Variants in KNDC1 observed in about 807,000 individuals in gnomAD.
KNDC1 encodes the protein kinase non-catalytic C-lobe domain-containing protein 1.
In KNDC1, 106 loss-of-function variants were observed where a neutral mutation model predicts 172.8. The ratio of observed to expected loss-of-function variants is 0.61; its 90% confidence interval spans 0.52 to 0.72. KNDC1 has a LOEUF of 0.72. Among genes scored for constraint, KNDC1 ranks in the 30% least tolerant of loss-of-function variants. The pLI is 0.00. For missense variants in KNDC1, 2,325 were observed against 2,394.5 expected, an observed-to-expected ratio of 0.97 and a Z score of 0.61; for synonymous variants, 1,083 against 1,062.2, an observed-to-expected ratio of 1.02 and a Z score of -0.38.
chr10:133,198,563 CT>C lies in KNDC1; in HGVS notation c.2070-14del, dbSNP rs1854263326. ...GGGCGCAGGCAGCCCCTCCTGAGCT[CT>C]GCTCCTCCCGTAGGGACCAGCCTGC... On this transcript the variant is annotated splice_polypyrimidine_tract_variant and intron_variant, in intron 13 of 29. Coordinates refer to ENST00000304613, the MANE Select transcript of KNDC1 (RefSeq NM_152643.8). 6.3e-7 allele frequency: 1 copy of C among 1,580,424 alleles called. No individual in the cohort carries two copies. Among genetic ancestry groups the C allele is most frequent in the Non-Finnish European group, 8.6e-7 (1 of 1,160,612 alleles).
chr10:133,194,379 G>A (rs1368720573), intron 9 of KNDC1, among the ~76,000 whole-genome samples: 2 of 152,122 alleles, frequency 1.3e-5, no homozygotes, highest in Non-Finnish European at 2.9e-5. Context: ...AACATATGGC[G>A]AACCAGGATT....
chr10:133,183,750 CG>C (rs1278683069), intron 4 of KNDC1, 121 bp from the exon 5 acceptor site: 14 of 861,140 alleles, frequency 1.6e-5, no homozygotes, highest in Non-Finnish European at 2.5e-5. Flanking sequence ...GCAAGGCAGG[CG>C]CAGGCAGGCT....
At chr10:133,204,979 C>T (rs1464776674) in intron 17 of KNDC1, among the ~76,000 whole-genome samples, 1 of 152,206 alleles carries the variant, frequency 6.6e-6, no homozygotes, top group Non-Finnish European at 1.5e-5. Context: ...CATGGACCCC[C>T]AAGACTTCCC....
intron 16 of KNDC1, among the ~76,000 whole-genome samples, chr10:133,201,219 C>T (rs1463394334): frequency 2.0e-5 from 3 of 152,166 alleles, no homozygotes; most frequent in African/African-American, 7.2e-5. Context: ...GGCCCGGCCC[C>T]ACCCCGGGGC....
Position 133,224,254 on chromosome 10 carries a change from G to C in KNDC1, c.5019-405G>C, listed in dbSNP as rs1845674542. Among the ~76,000 whole-genome samples, 1 of 152,184 alleles carries C rather than the reference G, an allele frequency of 6.6e-6. No individual in the cohort carries two copies. Among genetic ancestry groups the C allele is most frequent in the Admixed American group, 6.5e-5 (1 of 15,274 alleles). On this transcript the variant is annotated intron_variant, in intron 29 of 29. Transcript: ENST00000304613. This position sits in a 1 kb window ranked among gnomAD's most constrained non-coding sequence, Gnocchi z 5.4. ...TGGTCACTGTCAACCAGCTGTCCCA[G>C]GCTTCCGGCCCTGGGCCCCGGCCGT...
At chr10:133,189,288 G>T (rs1164895588) in intron 7 of KNDC1, among the ~76,000 whole-genome samples, 2 of 152,188 alleles carry the variant, frequency 1.3e-5, no homozygotes, top group African/African-American at 4.8e-5. Context: ...TCGGGACGGG[G>T]CCTGTGACAC....
chr10:133,209,617 G>C lies in KNDC1; in HGVS notation c.3795-994G>C, dbSNP rs1031652080. ...TCTGTGGTTGTACAGTTTGTGGCTT[G>C]CATGGCGTGAGTGTGAGTGCTGTGC... On this transcript the variant is annotated intron_variant, in intron 20 of 29. Coordinates refer to ENST00000304613, the MANE Select transcript of KNDC1 (RefSeq NM_152643.8). The surrounding 1 kb of genome is among the most constrained non-coding windows in gnomAD (Gnocchi z 4.9). Among the ~76,000 whole-genome samples, 2 of 152,034 alleles carry C rather than the reference G, an allele frequency of 1.3e-5. No individual in the cohort carries two copies. The highest frequency in any genetic ancestry group is 1.3e-4 in the Admixed American group (2 of 15,262).
intron 20 of KNDC1, among the ~76,000 whole-genome samples, chr10:133,210,114 G>A (rs1182361720): frequency 2.6e-5 from 4 of 152,022 alleles, no homozygotes; most frequent in South Asian, 2.1e-4. Flanking sequence ...AGCAGGGCAC[G>A]GTGGCTCACG....
In KNDC1 at chr10:133,160,451, C is replaced by G; in HGVS notation, c.-17C>G. 6.7e-7 allele frequency: 1 copy of G among 1,496,834 alleles called. No homozygotes were observed. Among genetic ancestry groups the G allele is most frequent in the Non-Finnish European group, 8.9e-7 (1 of 1,120,050 alleles). The allele number at this position is 1,496,834 out of a possible 1,614,324, so 92.7% of individuals were successfully genotyped here. On this transcript the variant is annotated 5_prime_UTR_variant, in exon 1 of 30. Coordinates refer to ENST00000304613, the MANE Select transcript of KNDC1 (RefSeq NM_152643.8). Reference sequence around the variant, plus strand: ...CCAGCCGGAGGCCCCGGGGGCGGTGCGCGGCGCGGCCGCAGGATGCAGGCC... The same window carrying G: ...CCAGCCGGAGGCCCCGGGGGCGGTGGGCGGCGCGGCCGCAGGATGCAGGCC...
At chr10:133,208,116 A>G (rs187272618) in intron 20 of KNDC1, among the ~76,000 whole-genome samples, 41 of 152,304 alleles carry the variant, frequency 2.7e-4, no homozygotes, top group Admixed American at 1.4e-3. Context: ...CTCTGAGCAG[A>G]GGCCATGGGG....
intron 3 of KNDC1, among the ~76,000 whole-genome samples, chr10:133,173,054 G>A (rs1243357271): frequency 2.6e-5 from 4 of 152,174 alleles, no homozygotes; most frequent in Non-Finnish European, 4.4e-5. Flanking sequence ...TGAGTCAGCT[G>A]TGGGTCTGCT....
intron 21 of KNDC1, 147 bp from the exon 22 acceptor site, chr10:133,211,275 C>T: frequency 2.9e-6 from 2 of 697,512 alleles, no homozygotes; most frequent in East Asian, 2.9e-5. Context: ...GGGGAGGGAC[C>T]CACGGAAGAC....
intron 3 of KNDC1, among the ~76,000 whole-genome samples, chr10:133,181,402 C>T (rs1853712545): frequency 6.6e-6 from 1 of 152,238 alleles, no homozygotes. Flanking sequence ...TATCGGGGCT[C>T]CTGGCCCAAG....
chr10:133,215,490 G>A (rs570750581), intron 26 of KNDC1, among the ~76,000 whole-genome samples: 7 of 152,386 alleles, frequency 4.6e-5, no homozygotes, highest in Admixed American at 1.3e-4. Flanking sequence ...AGCACGGGGC[G>A]TGGGAACAGG....
At chr10:133,173,376 T>C (rs1041880980) in intron 3 of KNDC1, among the ~76,000 whole-genome samples, 3 of 152,250 alleles carry the variant, frequency 2.0e-5, no homozygotes, top group Non-Finnish European at 4.4e-5. Flanking sequence ...CTTTCAGCTT[T>C]TCTTCCTTTC....
intron 3 of KNDC1, among the ~76,000 whole-genome samples, chr10:133,169,739 C>T (rs1043059795): frequency 2.4e-4 from 36 of 151,852 alleles, no homozygotes; most frequent in African/African-American, 7.5e-4. Context: ...GTGAACGCAG[C>T]GCATGGCCTG....
chr10:133,198,847 C>T lies in KNDC1; in HGVS notation c.2339C>T (p.Ser780Phe), dbSNP rs777686953. ...PEGASSAAPG[S>F]PVPAPPTKAS... ...GGGGCCTCATCGGCAGCTCCCGGCT[C>T]TCCAGTCCCCGCCCCGCCCACGAAG... Residue 780 changes from serine (S) to phenylalanine (F), a missense_variant, in exon 14 of 30, where the codon TCT becomes TTT. Ser to Phe is a radical substitution (Grantham distance 155, BLOSUM62 -2). Coordinates refer to ENST00000304613, the MANE Select transcript of KNDC1 (RefSeq NM_152643.8). The T allele has an allele frequency of 6.3e-7, 1 of 1,599,324 alleles. No homozygotes were observed. The highest frequency in any genetic ancestry group is 1.1e-5 in the South Asian group (1 of 89,704).
chr10:133,223,266 T>C (rs75831563), intron 29 of KNDC1, among the ~76,000 whole-genome samples: 822 of 16,390 alleles, frequency 0.05, 323 homozygotes, highest in Non-Finnish European at 0.14. Context: ...CATGCTCTTC[T>C]CGGCATGTGT....
At chr10:133,188,505 G>A in intron 6 of KNDC1, 34 bp from the exon 7 acceptor site, 2 of 1,414,290 alleles carry the variant, frequency 1.4e-6, no homozygotes, top group Non-Finnish European at 1.9e-6. Context: ...GGCAAGGGGT[G>A]TCCACACTGA....
Sources: gnomAD v4.1 joint callset for allele counts (sites outside exome capture counted in the v4.1 genomes callset) on GRCh38, gnomAD v4.1.1 for gene constraint, Gnocchi (gnomAD v3.1) non-coding constraint, MANE v1.5 for transcripts, NCBI Gene and HGNC (gene_info 2026-07-23, HGNC 2026-07-21) for gene names.